The following RARS1 variants were observed in gnomAD, a reference collection of about 807,000 sequenced individuals.
RARS1 encodes the protein arginyl-tRNA synthetase 1.
In RARS1, 75 loss-of-function variants were observed where a neutral mutation model predicts 78.7. That is an observed-to-expected ratio of 0.95 (90% confidence interval 0.79 to 1.15). RARS1 has a LOEUF of 1.15. Among genes scored for constraint, RARS1 ranks in the 50% most tolerant of loss-of-function variants. RARS1 has a pLI of 0.00. For synonymous variants in RARS1, 273 were observed against 268.2 expected (o/e 1.02, Z -0.18); for missense variants, 787 against 787.5 (o/e 1.00, Z 0.01).
chr5:168,517,046 G>T, intron 13 of RARS1, 96 bp downstream of exon 13: 2 of 1,302,688 alleles, frequency 1.5e-6, no homozygotes, highest in Non-Finnish European at 2.1e-6. Flanking sequence ...AATGAGACGG[G>T]GTCTTGGGCT....
chr5:168,486,667 G>A, intron 1 of RARS1, 124 bp downstream of exon 1: 1 of 999,562 alleles, frequency 1.0e-6, no homozygotes, highest in Non-Finnish European at 1.5e-6. Context: ...AGAGTGGAGC[G>A]GCACGGTCCC....
Position 168,494,642 on chromosome 5 carries a change from A to G in RARS1, c.571A>G (p.Asn191Asp). 3 of 1,577,674 alleles carry G rather than the reference A, an allele frequency of 1.9e-6. 1 individual carries two copies. In the South Asian group the frequency reaches 3.3e-5, roughly 17 times the overall value. Residue 191 changes from asparagine to aspartate, a missense_variant, in exon 5 of 15, where the codon AAT (asparagine) becomes GAT (aspartate). Physicochemically the swap from Asn to Asp is conservative, Grantham distance 23. Coordinates refer to ENST00000231572, the MANE Select transcript of RARS1 (RefSeq NM_002887.4). ...AGTTCAACTACCTGCTCTGGGAGAG[A>G]ATAAAAAGGTATATGTACACTCTTC... is the stretch of plus-strand genomic sequence containing the variant. ...NGVQLPALGE[N>D]KKVIVDFSSP...
chr5:168,517,501 C>A (rs1359648832), intron 13 of RARS1, among the ~76,000 whole-genome samples: 1 of 152,312 alleles, frequency 6.6e-6, no homozygotes, highest in Non-Finnish European at 1.5e-5. Flanking sequence ...AATACGTCCT[C>A]TTTTAGTATT....
rs776198677 is a variant in RARS1, at chr5:168,502,065, A to G, written c.1017A>G (p.Gln339=). Residue 339 remains glutamine, a synonymous_variant, in exon 9 of 15, where the codon CAA becomes CAG. Coordinates refer to ENST00000231572, the MANE Select transcript of RARS1 (RefSeq NM_002887.4). ...SLIERGESFY[Q]DRMNDIVKEF... ...TAGAGAGAGGGGAATCCTTCTATCA[A>G]GATAGGATGAATGATATTGTAAAGG... is the stretch of plus-strand genomic sequence containing the variant. 12 of 1,605,084 alleles carry G rather than the reference A, an allele frequency of 7.5e-6. No individual in the cohort carries two copies. The highest frequency in any genetic ancestry group is 2.2e-5 in the South Asian group (2 of 89,430).
intron 7 of RARS1, among the ~76,000 whole-genome samples, chr5:168,499,214 G>A (rs1758264722): frequency 6.6e-6 from 1 of 152,068 alleles, no homozygotes; most frequent in Non-Finnish European, 1.5e-5. Context: ...GGGAGGCGGA[G>A]GTGGGAGGAT....
Position 168,516,771 on chromosome 5 carries a change from C to T in RARS1, c.1453-7C>T, listed in dbSNP as rs780279116. The T allele has an allele frequency of 3.2e-5, 52 of 1,613,506 alleles. No individual in the cohort carries two copies. The highest frequency in any genetic ancestry group is 4.4e-5 in the Non-Finnish European group (52 of 1,179,728). ...AGCTATGAAATACTGTTTTGTTTTT[C>T]CCAAAGGTCTTAACTGCAGAGGAAT... On this transcript the variant is annotated splice_region_variant and splice_polypyrimidine_tract_variant and intron_variant, in intron 12 of 14. Coordinates refer to ENST00000231572, the MANE Select transcript of RARS1 (RefSeq NM_002887.4).
Position 168,516,847 on chromosome 5 carries a change from C to A in RARS1, c.1522C>A (p.Leu508Ile), listed in dbSNP as rs199566565. 3.7e-6 allele frequency: 6 copies of A among 1,614,130 alleles called. No individual in the cohort carries two copies. In the East Asian group the frequency reaches 1.3e-4, roughly 36 times the overall value. Reference sequence around the variant, plus strand: ...GTATGGCTGCATCAAATATGCTGACCTTTCCCATAACCGGTTGAATGACTA... The same window carrying A: ...GTATGGCTGCATCAAATATGCTGACATTTCCCATAACCGGTTGAATGACTA... ...VAYGCIKYAD[L>I]SHNRLNDYIF... Residue 508 changes from leucine (L) to isoleucine (I), a missense_variant, in exon 13 of 15, where the codon CTT becomes ATT. Transcript: ENST00000231572.
intron 11 of RARS1, among the ~76,000 whole-genome samples, chr5:168,507,785 A>G (rs1758478700): frequency 6.6e-6 from 1 of 151,866 alleles, no homozygotes; most frequent in Non-Finnish European, 1.5e-5. Context: ...CACGCCTGTA[A>G]TTCCAGCACT....
chr5:168,491,441 AT>A (rs1431544796), intron 2 of RARS1, among the ~76,000 whole-genome samples: 1 of 152,224 alleles, frequency 6.6e-6, no homozygotes, highest in African/African-American at 2.4e-5. Context: ...ATTGGGAAAA[AT>A]GTATCTTCCT....
rs1269893752 is a variant in RARS1, at chr5:168,518,013, C to T, written c.1824C>T (p.Phe608=). 13 of 1,531,402 alleles carry T rather than the reference C, an allele frequency of 8.5e-6. No individual in the cohort carries two copies. Among genetic ancestry groups the T allele is most frequent in the Non-Finnish European group, 1.1e-5 (13 of 1,131,468 alleles). 94.9% of individuals were successfully genotyped at this position (1,531,402 alleles called of 1,614,324 possible). Residue 608 remains phenylalanine, a synonymous_variant, in exon 14 of 15, where the codon TTC becomes TTT. Transcript: ENST00000231572. ...CDYIYELATA[F]TEFYDSCYCV... is the part of the protein sequence containing the mutation. ...ATATATATGAGCTGGCAACTGCTTT[C>T]ACAGAGTTCTATGATAGCTGCTACT...
At chr5:168,506,890 C>T in intron 11 of RARS1, 59 bp downstream of exon 11, 1 of 1,278,188 alleles carries the variant, frequency 7.8e-7, no homozygotes. Context: ...GGCTACTTTT[C>T]ATTTGATACC....
chr5:168,516,339 G>C (rs1758665721), intron 12 of RARS1, among the ~76,000 whole-genome samples: 1 of 152,006 alleles, frequency 6.6e-6, no homozygotes. Flanking sequence ...ACAGTGAATG[G>C]GTTCTTTTAT....
chr5:168,492,627 A>G (rs375861292), intron 2 of RARS1, 32 bp from the exon 3 acceptor site: 21 of 1,508,994 alleles, frequency 1.4e-5, no homozygotes, highest in Middle Eastern at 1.8e-4. Flanking sequence ...TTTTACGTAC[A>G]TTATTGACAT....
chr5:168,494,420 AGGCCACAACT>A (rs1410721437), intron 4 of RARS1, 120 bp from the exon 5 acceptor site: 1 of 1,480,808 alleles, frequency 6.8e-7, no homozygotes, highest in African/African-American at 1.4e-5. Flanking sequence ...GCTTAAGTCA[AGGCCACAACT>A]GGTATTGGAA....
chr5:168,493,916 A>T lies in RARS1; in HGVS notation c.392A>T (p.Lys131Ile). The change falls in exon 4 of 15, where the codon AAA becomes ATA. Residue 131 changes from lysine (K) to isoleucine (I), a missense_variant. Transcript: ENST00000231572. ...ISQMLKTKEQ[K>I]VNPREIAENI... ...TAGATGCTCAAAACCAAGGAACAGA[A>T]AGTTAATCCAAGAGAAATTGCTGAA... The T allele has an allele frequency of 6.2e-7, 1 of 1,612,720 alleles. No individual in the cohort carries two copies. Among genetic ancestry groups the T allele is most frequent in the Non-Finnish European group, 8.5e-7 (1 of 1,178,772 alleles).
intron 6 of RARS1, 87 bp from the exon 7 acceptor site, chr5:168,497,141 G>A (rs748095238): frequency 7.7e-5 from 83 of 1,075,614 alleles, no homozygotes; most frequent in Non-Finnish European, 9.5e-5. Flanking sequence ...AAATATTAGT[G>A]GTTCCTAATG....
chr5:168,517,992 A>G lies in RARS1; in HGVS notation c.1803A>G (p.Ile601Met), dbSNP rs769765515. 1.9e-6 allele frequency: 3 copies of G among 1,600,506 alleles called. No homozygotes were observed. The highest frequency in any genetic ancestry group is 1.4e-5 in the African/African-American group (1 of 73,526). The change falls in exon 14 of 15, where the codon ATA becomes ATG. Residue 601 changes from isoleucine to methionine, a missense_variant. Ile to Met is a conservative substitution (Grantham distance 10). Transcript: ENST00000231572. ...DLFLHTLCDY[I>M]YELATAFTEF... ...TTCTCCACACTCTCTGTGATTATAT[A>G]TATGAGCTGGCAACTGCTTTCACAG...
At position 168,497,682 on chromosome 5, in the gene RARS1, T is replaced by G. The variant is rs529032617; in HGVS notation, c.822+334T>G. Among the ~76,000 whole-genome samples the G allele has an allele frequency of 2.5e-4, 38 of 151,412 alleles. 1 individual carries two copies. In the East Asian group the frequency reaches 6.6e-3, roughly 26 times the overall value. ...CAGACTAATTGATAAACATATAAAATTTGTTCATCTACACTGGCAAGCCCT... is the reference window on the plus strand; with the variant it reads ...CAGACTAATTGATAAACATATAAAAGTTGTTCATCTACACTGGCAAGCCCT... On this transcript the variant is annotated intron_variant, in intron 7 of 14. Coordinates refer to ENST00000231572, the MANE Select transcript of RARS1 (RefSeq NM_002887.4).
Position 168,495,479 on chromosome 5 carries a change from C to A in RARS1, c.701+43C>A, listed in dbSNP as rs1020794494. On this transcript the variant is annotated intron_variant, in intron 6 of 14. Transcript: ENST00000231572. ...GCGTACTATTCTCTTTCCTTATTTTCTTGTTTGGAAAATTCTATAGAACAT... is the reference window on the plus strand; with the variant it reads ...GCGTACTATTCTCTTTCCTTATTTTATTGTTTGGAAAATTCTATAGAACAT... 3 of 1,580,080 alleles carry A rather than the reference C, an allele frequency of 1.9e-6. No individual in the cohort carries two copies. In the African/African-American group the frequency reaches 4.0e-5, roughly 21 times the overall value.
Sources: allele counts gnomAD v4.1 joint callset (sites outside exome capture counted in the v4.1 genomes callset), GRCh38; gene constraint gnomAD v4.1.1; transcripts MANE v1.5; gene names NCBI Gene and HGNC (gene_info 2026-07-23, HGNC 2026-07-21).